Variants in ANO4 observed in about 807,000 individuals in gnomAD.
The protein encoded by ANO4 is anoctamin 4, also known as anoctamin-4.
Under a neutral mutation model 141.9 loss-of-function variants are expected in ANO4, and 69 were observed. That is an observed-to-expected ratio of 0.49 (90% CI 0.40 to 0.59). The LOEUF (loss-of-function observed/expected upper bound fraction) is 0.59. Ranked by LOEUF, ANO4 falls within the 20% of genes least tolerant of loss-of-function variation. The pLI, the probability that ANO4 is intolerant of heterozygous loss-of-function variation, is 0.00. For missense variants in ANO4, 894 were observed against 1,162.2 expected (o/e 0.77, Z 3.36); for synonymous variants, 350 against 394.3 (o/e 0.89, Z 1.33).
At chr12:100,743,141 CAAGT>C (rs1016310822) in intron 3 of ANO4, among the ~76,000 whole-genome samples, 1 of 152,008 alleles carries the variant, frequency 6.6e-6, no homozygotes, top group African/African-American at 2.4e-5. Flanking sequence ...AGGAGGCAGA[CAAGT>C]AAGGCAAGCA....
chr12:100,976,237 C>G, intron 7 of ANO4, among the ~76,000 whole-genome samples: 1 of 152,274 alleles, frequency 6.6e-6, no homozygotes, highest in East Asian at 1.9e-4. Context: ...CAGGTTCCCT[C>G]TGTTTATATG....
intron 21 of ANO4, 96 bp from the exon 22 acceptor site, chr12:101,099,482 C>A: frequency 8.0e-7 from 1 of 1,255,910 alleles, no homozygotes; most frequent in Non-Finnish European, 1.1e-6. Context: ...TGAATTTTTT[C>A]AAACTATTGT....
chr12:101,002,862 C>A (rs1350591484), intron 8 of ANO4, among the ~76,000 whole-genome samples: 1 of 152,154 alleles, frequency 6.6e-6, no homozygotes, highest in East Asian at 1.9e-4. Flanking sequence ...TAAAGGGAAA[C>A]CATATCCTCA....
intron 1 of ANO4, among the ~76,000 whole-genome samples, chr12:100,812,402 CTG>C (rs1165658340): frequency 6.6e-6 from 1 of 152,094 alleles, no homozygotes; most frequent in African/African-American, 2.4e-5. Flanking sequence ...GGAAGTAGCT[CTG>C]TTGCCTTTCT....
Position 100,856,769 on chromosome 12 carries a change from G to A in ANO4, c.-140-44877G>A, listed in dbSNP as rs188200270. On this transcript the variant is annotated intron_variant, in intron 1 of 27. Coordinates refer to ENST00000392977, the MANE Select transcript of ANO4 (RefSeq NM_001286615.2). Reference sequence around the variant, plus strand: ...TGGATGTGGGAATCAGAGCAGCTTCGCATTGTGGAAGAATCACATGTGAGG... The same window carrying A: ...TGGATGTGGGAATCAGAGCAGCTTCACATTGTGGAAGAATCACATGTGAGG... Among the ~76,000 whole-genome samples, 3 of 152,202 alleles carry A rather than the reference G, an allele frequency of 2.0e-5. No individual in the cohort carries two copies. In the East Asian group the frequency reaches 5.8e-4, roughly 29 times the overall value.
chr12:100,841,834 C>T (rs1356002), intron 1 of ANO4, among the ~76,000 whole-genome samples: 2,516 of 152,258 alleles, frequency 0.017, 84 homozygotes, highest in African/African-American at 0.058. Context: ...CTTAACAATA[C>T]TTAATCTACT....
At chr12:101,016,170 G>C (rs1237146852) in intron 8 of ANO4, among the ~76,000 whole-genome samples, 1 of 152,062 alleles carries the variant, frequency 6.6e-6, no homozygotes, top group Non-Finnish European at 1.5e-5. Flanking sequence ...CCTGAGACTG[G>C]GTAGCTTATA....
intron 1 of ANO4, among the ~76,000 whole-genome samples, chr12:100,821,131 C>T (rs2036028953): frequency 6.6e-6 from 1 of 152,040 alleles, no homozygotes; most frequent in Non-Finnish European, 1.5e-5. Context: ...AGGTAATTTT[C>T]ACTGGCTTTA....
chr12:100,973,670 T>C (rs896956326), intron 6 of ANO4, among the ~76,000 whole-genome samples: 9 of 152,206 alleles, frequency 5.9e-5, no homozygotes, highest in African/African-American at 2.2e-4. Context: ...ATTAGCGTGA[T>C]ATATTTGTTA....
chr12:100,853,781 G>C (rs1446036488), intron 1 of ANO4, among the ~76,000 whole-genome samples: 1 of 152,044 alleles, frequency 6.6e-6, no homozygotes. Context: ...TAGTATCTCT[G>C]TCCTCTTCCC....
At chr12:100,810,161 G>T (rs1226462574) in intron 1 of ANO4, among the ~76,000 whole-genome samples, 1 of 149,514 alleles carries the variant, frequency 6.7e-6, no homozygotes, top group Non-Finnish European at 1.5e-5. Flanking sequence ...GGAGTATGCT[G>T]ATCAGGATAG....
chr12:100,744,826 A>C (rs930665178), intron 3 of ANO4, among the ~76,000 whole-genome samples: 5 of 152,152 alleles, frequency 3.3e-5, no homozygotes, highest in Admixed American at 6.5e-5. Context: ...TAGTGCTGCT[A>C]GCAGTCTTGT....
At chr12:101,086,549 T>C in intron 16 of ANO4, 111 bp from the exon 17 acceptor site, 1 of 1,167,402 alleles carries the variant, frequency 8.6e-7, no homozygotes. Flanking sequence ...TCTTGAGCAG[T>C]ACTGCCATGG....
At chr12:100,996,822 A>G (rs1461337247) in intron 8 of ANO4, among the ~76,000 whole-genome samples, 1 of 152,230 alleles carries the variant, frequency 6.6e-6, no homozygotes, top group African/African-American at 2.4e-5. Flanking sequence ...AAAGGCAGCA[A>G]GTTAAAGCCA....
intron 1 of ANO4, among the ~76,000 whole-genome samples, chr12:100,718,797 A>G (rs1408973960): frequency 6.6e-6 from 1 of 152,214 alleles, no homozygotes; most frequent in African/African-American, 2.4e-5. Context: ...TTTAACACTC[A>G]ACATTGTGGT....
chr12:100,787,142 A>T (rs764895782), intron 3 of ANO4, among the ~76,000 whole-genome samples: 3 of 152,210 alleles, frequency 2.0e-5, no homozygotes, highest in Non-Finnish European at 4.4e-5. Flanking sequence ...TCTCTGAAGG[A>T]AACACATAGT....
intron 1 of ANO4, among the ~76,000 whole-genome samples, chr12:100,898,115 A>T (rs73389640): frequency 0.019 from 2,967 of 152,294 alleles, 88 homozygotes; most frequent in African/African-American, 0.068. Flanking sequence ...CATAGATACC[A>T]ATTCTCAGGC....
chr12:100,938,850 A>G (rs2042391333), intron 3 of ANO4, among the ~76,000 whole-genome samples: 1 of 152,180 alleles, frequency 6.6e-6, no homozygotes, highest in African/African-American at 2.4e-5. Context: ...AGGAGGAAAA[A>G]AATCACAGTT....
intron 3 of ANO4, among the ~76,000 whole-genome samples, chr12:100,748,837 T>C (rs2032232712): frequency 6.6e-6 from 1 of 152,234 alleles, no homozygotes; most frequent in African/African-American, 2.4e-5. Context: ...CTTCCCTTTC[T>C]GCTTTTAAAA....
Sources: gnomAD v4.1 joint callset for allele counts (sites outside exome capture counted in the v4.1 genomes callset) on GRCh38, gnomAD v4.1.1 for gene constraint, MANE v1.5 for transcripts, NCBI Gene and HGNC (gene_info 2026-07-23, HGNC 2026-07-21) for gene names.